Variants in TAB2 observed in about 807,000 individuals in gnomAD.
The protein encoded by TAB2 is TGF-beta-activated kinase 1 and MAP3K7-binding protein 2.
A neutral mutation model predicts 65.0 loss-of-function variants in TAB2; 3 were observed. That is an observed-to-expected ratio of 0.05 (90% CI 0.02 to 0.12). The LOEUF (loss-of-function observed/expected upper bound fraction) is 0.12. TAB2 is among the 10% of genes least tolerant of loss of function. TAB2 has a pLI of 1.00. For missense variants in TAB2, 623 were observed against 840.3 expected (o/e 0.74, Z 3.20); for synonymous variants, 298 against 285.1 (o/e 1.05, Z -0.46).
intron 6 of TAB2, among the ~76,000 whole-genome samples, chr6:149,404,692 T>C (rs991660938): frequency 6.6e-6 from 1 of 152,198 alleles, no homozygotes; most frequent in African/African-American, 2.4e-5. Context: ...GGGTAGTCTC[T>C]TCAGTAAATG....
At chr6:149,231,274 C>G (rs138847442) in intron 1 of TAB2, among the ~76,000 whole-genome samples, 4 of 152,166 alleles carry the variant, frequency 2.6e-5, no homozygotes, top group African/African-American at 9.7e-5. Flanking sequence ...TAATAACTAC[C>G]GCATGCCTTG....
chr6:149,364,577 G>T (rs10155766), intron 1 of TAB2, among the ~76,000 whole-genome samples: 1 of 151,188 alleles, frequency 6.6e-6, no homozygotes, highest in Non-Finnish European at 1.5e-5. Flanking sequence ...GTGATCTGCA[G>T]GGCAAGGACA....
At chr6:149,357,421 G>GAAAAA (rs1244546884) in intron 1 of TAB2, among the ~76,000 whole-genome samples, 8 of 108,440 alleles carry the variant, frequency 7.4e-5, no homozygotes, top group African/African-American at 1.2e-4. Context: ...GTCTCAAGGA[G>GAAAAA]AAAAAAAAAA....
intron 1 of TAB2, among the ~76,000 whole-genome samples, chr6:149,240,964 G>T (rs971498365): frequency 6.6e-6 from 1 of 152,066 alleles, no homozygotes; most frequent in Non-Finnish European, 1.5e-5. Context: ...AAATTAAGTC[G>T]TAAGGGTGGG....
chr6:149,235,878 G>T (rs12211226), intron 1 of TAB2, among the ~76,000 whole-genome samples: 1 of 152,148 alleles, frequency 6.6e-6, no homozygotes, highest in African/African-American at 2.4e-5. Context: ...ACTTCCACAG[G>T]GGGAGGACAC....
chr6:149,373,711 A>G (rs1245304253), intron 2 of TAB2, among the ~76,000 whole-genome samples: 1 of 152,194 alleles, frequency 6.6e-6, no homozygotes, highest in African/African-American at 2.4e-5. Context: ...GAGAATGCAG[A>G]TTTGTGGCTG....
At chr6:149,343,618 A>C (rs1165983389) in intron 1 of TAB2, among the ~76,000 whole-genome samples, 1 of 152,216 alleles carries the variant, frequency 6.6e-6, no homozygotes, top group African/African-American at 2.4e-5. Context: ...AATATTTGCT[A>C]ATATTTTACT....
intron 1 of TAB2, among the ~76,000 whole-genome samples, chr6:149,346,008 G>C (rs1018832942): frequency 1.3e-5 from 2 of 152,122 alleles, no homozygotes; most frequent in African/African-American, 4.8e-5. Context: ...CATTGAGGTT[G>C]TTTTTAGAAG....
chr6:149,379,577 G>T (rs1275838280), intron 3 of TAB2, 59 bp downstream of exon 3: 1 of 1,517,596 alleles, frequency 6.6e-7, no homozygotes, highest in Admixed American at 1.7e-5. Context: ...GTGTGCATTT[G>T]ATTTCACAAC....
At chr6:149,238,179 C>T (rs1023628529) in intron 1 of TAB2, among the ~76,000 whole-genome samples, 2 of 152,150 alleles carry the variant, frequency 1.3e-5, no homozygotes, top group Admixed American at 6.5e-5. Context: ...CGGTGCCTGG[C>T]CCAGTCTGCG....
At chr6:149,382,550 C>G (rs941928595) in intron 3 of TAB2, among the ~76,000 whole-genome samples, 3 of 151,294 alleles carry the variant, frequency 2.0e-5, no homozygotes, top group African/African-American at 7.3e-5. Context: ...GAGCCGAGAT[C>G]ATGCCATTGC....
At chr6:149,312,455 C>T (rs896628146) in intron 1 of TAB2, among the ~76,000 whole-genome samples, 7 of 152,138 alleles carry the variant, frequency 4.6e-5, no homozygotes, top group Admixed American at 2.0e-4. Context: ...CTCAGCCTCC[C>T]GGGTTCAAGC....
chr6:149,350,077 G>A (rs935074117), intron 1 of TAB2, among the ~76,000 whole-genome samples: 4 of 151,796 alleles, frequency 2.6e-5, no homozygotes, highest in African/African-American at 9.7e-5. Flanking sequence ...GATTACAGGC[G>A]CCTGCCACCA....
intron 1 of TAB2, among the ~76,000 whole-genome samples, chr6:149,354,217 G>A (rs906450365): frequency 6.6e-6 from 1 of 152,102 alleles, no homozygotes; most frequent in Non-Finnish European, 1.5e-5. Context: ...GCCTTCTTAT[G>A]TTACCACATC....
At chr6:149,270,076 C>T (rs1305489777) in intron 1 of TAB2, among the ~76,000 whole-genome samples, 2 of 152,208 alleles carry the variant, frequency 1.3e-5, no homozygotes, top group African/African-American at 4.8e-5. Flanking sequence ...ATGAGAGTTC[C>T]AATTGCTCCA....
chr6:149,259,794 C>A (rs7741212), intron 1 of TAB2, among the ~76,000 whole-genome samples: 13,566 of 152,214 alleles, frequency 0.089, 996 homozygotes, highest in African/African-American at 0.21. Context: ...AGACATGATA[C>A]AAGTGGCCCA....
At chr6:149,332,472 AT>A (rs1391641045) in intron 1 of TAB2, among the ~76,000 whole-genome samples, 8 of 152,148 alleles carry the variant, frequency 5.3e-5, no homozygotes, top group African/African-American at 1.9e-4. Flanking sequence ...TGCAACAGAA[AT>A]TTTGTAATTG....
At chr6:149,254,059 G>GGAAGGAAGGA (rs1777941371) in intron 1 of TAB2, among the ~76,000 whole-genome samples, 3 of 103,736 alleles carry the variant, frequency 2.9e-5, no homozygotes, top group South Asian at 4.0e-4. Flanking sequence ...GGGAGAGAGG[G>GGAAGGAAGGA]AGGAAGGAAG....
chr6:149,324,202 CAGAG>C (rs767642464), intron 1 of TAB2, among the ~76,000 whole-genome samples: 2 of 149,764 alleles, frequency 1.3e-5, no homozygotes, highest in East Asian at 1.9e-4. Flanking sequence ...AAAGGTCCTG[CAGAG>C]AGAGAGAGAG....
Sources: allele counts gnomAD v4.1 joint callset (sites outside exome capture counted in the v4.1 genomes callset), GRCh38; gene constraint gnomAD v4.1.1; transcripts MANE v1.5; gene names NCBI Gene and HGNC (gene_info 2026-07-23, HGNC 2026-07-21).